NPRL3: variants seen among roughly 807,000 people sequenced by gnomAD.
NPRL3 encodes NPR3 like, GATOR1 complex subunit.
In NPRL3, 23 loss-of-function variants were observed where a neutral mutation model predicts 57.2. That is an observed-to-expected ratio of 0.40 (90% CI 0.29 to 0.57). NPRL3 has a LOEUF of 0.57. Ranked by LOEUF, NPRL3 falls within the 20% of genes least tolerant of loss-of-function variation. The pLI is 0.42. For synonymous variants in NPRL3, 333 were observed against 321.1 expected, an observed-to-expected ratio of 1.04 and a Z score of -0.39; for missense variants, 691 against 767.1, an observed-to-expected ratio of 0.90 and a Z score of 1.17.
At chr16:109,885 C>T (rs1342658543) in intron 7 of NPRL3, among the ~76,000 whole-genome samples, 7 of 152,194 alleles carry the variant, frequency 4.6e-5, no homozygotes, top group Non-Finnish European at 1.0e-4. Flanking sequence ...CTTGTTCATT[C>T]TTCTATTGGG....
At chr16:93,126 C>T (rs1898833539) in intron 10 of NPRL3, 93 bp downstream of exon 10, 5 of 850,174 alleles carry the variant, frequency 5.9e-6, no homozygotes, top group Non-Finnish European at 5.8e-6. Context: ...GCCTTTGGTG[C>T]CTGGCCAACA....
rs145217130 is a variant in NPRL3, at chr16:131,307, G to A, written c.119-716C>T. Among the ~76,000 whole-genome samples, 660 of 152,002 alleles carry A rather than the reference G, an allele frequency of 4.3e-3. 2 individuals are homozygous for A. The highest frequency in any genetic ancestry group is 0.015 in the African/African-American group (634 of 41,380). On this transcript the variant is annotated intron_variant, in intron 2 of 13. Coordinates refer to ENST00000611875, the MANE Select transcript of NPRL3 (RefSeq NM_001077350.3). ...ATCCTGGCTAACACGGTGAAACCCC[G>A]TCTCTACTAAAAATACAAAAAATTA...
intron 3 of NPRL3, among the ~76,000 whole-genome samples, chr16:127,380 C>T (rs953055751): frequency 5.3e-5 from 8 of 151,522 alleles, no homozygotes; most frequent in South Asian, 4.2e-4. Context: ...GGACTAAGGG[C>T]GCAGGTCACC....
At chr16:131,492 A>C (rs1462935478) in intron 2 of NPRL3, among the ~76,000 whole-genome samples, 2 of 147,912 alleles carry the variant, frequency 1.4e-5, no homozygotes, top group African/African-American at 5.1e-5. Flanking sequence ...AAAAAAAAAA[A>C]AAATTAGCCG....
intron 3 of NPRL3, among the ~76,000 whole-genome samples, chr16:125,431 A>T (rs1900474015): frequency 6.6e-6 from 1 of 152,196 alleles, no homozygotes; most frequent in Non-Finnish European, 1.5e-5. Flanking sequence ...AGGGCTTCTG[A>T]GTCCGGCAAT....
chr16:138,671 T>G lies in NPRL3; in HGVS notation c.-97A>C, dbSNP rs116465804. The G allele has an allele frequency of 7.1e-3, 1,467 of 207,092 alleles. 39 individuals carry two copies. The highest frequency in any genetic ancestry group is 0.03 in the African/African-American group (1,229 of 40,922). 12.8% of individuals were successfully genotyped at this position (207,092 alleles called of 1,614,324 possible). On this transcript the variant is annotated 5_prime_UTR_variant, in exon 1 of 14. Transcript: ENST00000611875. The stretch of plus-strand genomic sequence containing the variant: ...GTGCCACGCTCCGGGCTCGCGAGAC[T>G]TCGGCGACACCGTCCGGAGGAGGTG...
At chr16:120,242 T>C (rs903738185) in intron 3 of NPRL3, among the ~76,000 whole-genome samples, 3 of 152,206 alleles carry the variant, frequency 2.0e-5, no homozygotes, top group African/African-American at 7.2e-5. Flanking sequence ...GTGCACTCTC[T>C]TGGGGAAGCT....
In NPRL3 at chr16:85,742, G is replaced by A. The variant is rs1174113763; in HGVS notation, c.*963C>T. 2.0e-5 allele frequency: 30 copies of A among 1,514,864 alleles called. No homozygotes were observed. In the East Asian group the frequency reaches 3.4e-4, roughly 17 times the overall value. The allele number at this position is 1,514,864 out of a possible 1,614,324, so 93.8% of individuals were successfully genotyped here. A position where few individuals can be genotyped will look rare whatever the true frequency, so the allele number is the denominator to read the frequency against. On this transcript the variant is annotated 3_prime_UTR_variant, in exon 14 of 14. Coordinates refer to ENST00000611875, the MANE Select transcript of NPRL3 (RefSeq NM_001077350.3). ...CCGGGGCAGCCCCTGGGTCAGTGTG[G>A]TCGACAGAGTGGCTGAGCAGGACAC... is the stretch of plus-strand genomic sequence containing the variant.
intron 4 of NPRL3, 88 bp downstream of exon 4, chr16:119,037 GA>G: frequency 7.0e-7 from 1 of 1,430,794 alleles, no homozygotes; most frequent in Non-Finnish European, 9.2e-7. Flanking sequence ...TGCCCAAGGA[GA>G]GCCACACCTG....
chr16:134,433 A>C (rs1356236308), intron 2 of NPRL3, among the ~76,000 whole-genome samples: 1 of 152,212 alleles, frequency 6.6e-6, no homozygotes, highest in African/African-American at 2.4e-5. Context: ...GGAAAAGCTA[A>C]TAAGGGAGAA....
At chr16:114,166 A>G (rs1899932988) in intron 5 of NPRL3, among the ~76,000 whole-genome samples, 1 of 152,212 alleles carries the variant, frequency 6.6e-6, no homozygotes, top group African/African-American at 2.4e-5. Context: ...GCTGAGGCAC[A>G]ACAGTGTCCA....
intron 2 of NPRL3, 53 bp downstream of exon 2, chr16:138,097 C>G: frequency 7.0e-7 from 1 of 1,437,476 alleles, no homozygotes; most frequent in Non-Finnish European, 9.6e-7. Flanking sequence ...TGAGGCGACC[C>G]CGGAATGAGG....
intron 7 of NPRL3, among the ~76,000 whole-genome samples, chr16:102,053 A>C (rs1899321786): frequency 6.6e-6 from 1 of 152,176 alleles, no homozygotes; most frequent in Non-Finnish European, 1.5e-5. Flanking sequence ...GAAGCCAAGG[A>C]ACACACCGCC....
chr16:112,986 G>A (rs1366070254), intron 5 of NPRL3, among the ~76,000 whole-genome samples: 1 of 152,200 alleles, frequency 6.6e-6, no homozygotes, highest in African/African-American at 2.4e-5. Context: ...TGGGCTGTCA[G>A]CCCCCATGCT....
At chr16:93,809 C>A (rs1346937298) in intron 9 of NPRL3, among the ~76,000 whole-genome samples, 6 of 152,236 alleles carry the variant, frequency 3.9e-5, no homozygotes, top group Non-Finnish European at 5.9e-5. Context: ...GATCCACCCA[C>A]CTTGGCCTTC....
intron 2 of NPRL3, among the ~76,000 whole-genome samples, chr16:134,626 A>C (rs1900967401): frequency 6.6e-6 from 1 of 152,164 alleles, no homozygotes; most frequent in Non-Finnish European, 1.5e-5. Flanking sequence ...ATAACGCTGA[A>C]AAAGAAAAGT....
At chr16:109,843 C>T (rs1449515920) in intron 7 of NPRL3, among the ~76,000 whole-genome samples, 2 of 152,204 alleles carry the variant, frequency 1.3e-5, no homozygotes, top group Non-Finnish European at 2.9e-5. Flanking sequence ...TTTGAACCAC[C>T]TGTCTTTTCT....
intron 13 of NPRL3, among the ~76,000 whole-genome samples, chr16:88,280 CT>C (rs1377410154): frequency 6.6e-6 from 1 of 151,664 alleles, no homozygotes; most frequent in African/African-American, 2.4e-5. Flanking sequence ...ACTCAGGAGG[CT>C]GAGGCAGGAG....
intron 7 of NPRL3, among the ~76,000 whole-genome samples, chr16:101,428 A>G (rs1354418388): frequency 6.6e-6 from 1 of 152,112 alleles, no homozygotes; most frequent in Non-Finnish European, 1.5e-5. Context: ...CAGCCCCAAC[A>G]CTTCACTACG....
Sources: gnomAD v4.1 joint callset for allele counts (sites outside exome capture counted in the v4.1 genomes callset) on GRCh38, gnomAD v4.1.1 for gene constraint, MANE v1.5 for transcripts, NCBI Gene and HGNC (gene_info 2026-07-23, HGNC 2026-07-21) for gene names.